Variants in ASIC2 observed in about 807,000 individuals in gnomAD.
ASIC2 encodes the protein acid-sensing ion channel 2.
In ASIC2, 25 loss-of-function variants were observed where a neutral mutation model predicts 57.3. That is an observed-to-expected ratio of 0.44 (90% confidence interval 0.32 to 0.61). The LOEUF (loss-of-function observed/expected upper bound fraction) is 0.61. Among genes scored for constraint, ASIC2 ranks in the 20% least tolerant of loss-of-function variants. The pLI is 0.06. For synonymous variants in ASIC2, 319 were observed against 307.5 expected (o/e 1.04, Z -0.39); for missense variants, 641 against 738.1 (o/e 0.87, Z 1.52).
chr17:33,478,195 A>T (rs191195337), intron 1 of ASIC2, among the ~76,000 whole-genome samples: 1 of 152,316 alleles, frequency 6.6e-6, no homozygotes, highest in East Asian at 1.9e-4. Context: ...GAGGTGGATG[A>T]CAGAGCTTCC....
chr17:33,354,402 A>G (rs1422275477), intron 1 of ASIC2, among the ~76,000 whole-genome samples: 1 of 152,024 alleles, frequency 6.6e-6, no homozygotes. Context: ...TCTCACCTCC[A>G]CTGCAGCCAG....
intron 1 of ASIC2, chr17:34,036,680 G>GGTTT (rs1567796362): frequency 9.9e-6 from 1 of 100,528 alleles, no homozygotes; most frequent in Admixed American, 1.2e-4. Context: ...CTTTGAATTT[G>GGTTT]TTTTTTTTTT....
chr17:34,018,079 C>A (rs538195507), intron 1 of ASIC2, among the ~76,000 whole-genome samples: 8 of 152,198 alleles, frequency 5.3e-5, no homozygotes, highest in Non-Finnish European at 1.2e-4. Context: ...AGGTCAATAT[C>A]TGGCTTCAAA....
rs150404392 is a variant in ASIC2, at chr17:33,401,726, A to G, written c.556-289659T>C. On this transcript the variant is annotated intron_variant, in intron 1 of 9. Coordinates refer to the ASIC2 transcript ENST00000359872. ...ATAAAATCTTTGTTCGCTTCCCAGG[A>G]GACAATCCTGTTTCAACTTGACAGC... 2.2e-3 allele frequency among the ~76,000 whole-genome samples: 328 copies of G among 152,332 alleles called. 2 individuals are homozygous for G. Among genetic ancestry groups the G allele is most frequent in the African/African-American group, 7.5e-3 (311 of 41,578 alleles).
chr17:34,050,791 A>G (rs1343224370), intron 1 of ASIC2, among the ~76,000 whole-genome samples: 2 of 152,202 alleles, frequency 1.3e-5, no homozygotes, highest in Non-Finnish European at 2.9e-5. Flanking sequence ...GAGAAATTCA[A>G]AATGTTGTGA....
intron 1 of ASIC2, among the ~76,000 whole-genome samples, chr17:33,419,040 G>A (rs1296231634): frequency 2.6e-5 from 4 of 152,126 alleles, no homozygotes; most frequent in Admixed American, 6.6e-5. Flanking sequence ...ACCATGGCAC[G>A]TATATACCTA....
intron 1 of ASIC2, among the ~76,000 whole-genome samples, chr17:33,115,830 G>A (rs2092278801): frequency 6.6e-6 from 1 of 152,194 alleles, no homozygotes; most frequent in South Asian, 2.1e-4. Flanking sequence ...AACTGTGTCT[G>A]TTTTATTGAA....
intron 1 of ASIC2, among the ~76,000 whole-genome samples, chr17:33,918,868 A>G (rs1055299660): frequency 6.6e-6 from 1 of 152,234 alleles, no homozygotes; most frequent in African/African-American, 2.4e-5. Flanking sequence ...CATGCGGAAG[A>G]AACTTTGGTC....
chr17:33,064,426 T>C (rs1421859245), intron 3 of ASIC2, among the ~76,000 whole-genome samples: 1 of 152,216 alleles, frequency 6.6e-6, no homozygotes, highest in East Asian at 1.9e-4. Context: ...GGAGGTCCAC[T>C]CCAGACCCTG....
At chr17:33,383,399 C>A (rs1909560096) in intron 1 of ASIC2, among the ~76,000 whole-genome samples, 1 of 152,160 alleles carries the variant, frequency 6.6e-6, no homozygotes, top group Non-Finnish European at 1.5e-5. Context: ...TTGAAAGTAG[C>A]ATGTTCGGCT....
At chr17:33,432,418 A>AGTGGGAGGATCCCTTTG (rs1911452297) in intron 1 of ASIC2, among the ~76,000 whole-genome samples, 1 of 152,156 alleles carries the variant, frequency 6.6e-6, no homozygotes, top group Non-Finnish European at 1.5e-5. Flanking sequence ...CGGGAGACTC[A>AGTGGGAGGATCCCTTTG]GTGGGAGGAT....
At chr17:33,293,366 CT>C (rs947217317), upstream of ASIC2, among the ~76,000 whole-genome samples, 1 of 152,202 alleles carries the variant, frequency 6.6e-6, no homozygotes, top group Non-Finnish European at 1.5e-5. Context: ...CGCCCGGCTC[CT>C]CCTCGCTGCA....
At chr17:33,877,085 T>C (rs773034988) in intron 1 of ASIC2, among the ~76,000 whole-genome samples, 4 of 152,174 alleles carry the variant, frequency 2.6e-5, no homozygotes, top group Non-Finnish European at 5.9e-5. Context: ...ATTATTTTCT[T>C]TTTTTCTCCA....
Position 33,018,090 on chromosome 17 carries a change from C to T in ASIC2, c.1442-406G>A, listed in dbSNP as rs548378421. ...GGTGGGAGTCTCGGGAGGAGATGCT[C>T]CCCTAACCCAATCACGGCATGGGCT... On this transcript the variant is annotated intron_variant, in intron 7 of 9. Transcript: ENST00000225823. Among the ~76,000 whole-genome samples the T allele has an allele frequency of 3.9e-5, 6 of 152,170 alleles. No homozygotes were observed. The South Asian group carries it at 8.3e-4, about 21-fold the overall frequency.
intron 1 of ASIC2, among the ~76,000 whole-genome samples, chr17:33,336,291 G>A (rs1328407664): frequency 6.6e-6 from 1 of 152,110 alleles, no homozygotes; most frequent in Non-Finnish European, 1.5e-5. Flanking sequence ...AGCCACATTG[G>A]AACCTGAAGC....
chr17:33,684,915 T>C (rs1010309709), intron 1 of ASIC2, among the ~76,000 whole-genome samples: 2 of 152,178 alleles, frequency 1.3e-5, no homozygotes, highest in African/African-American at 4.8e-5. Context: ...CAGGATCCTA[T>C]TGTGAAACCA....
At chr17:34,030,039 C>T (rs1038499765) in intron 1 of ASIC2, among the ~76,000 whole-genome samples, 13 of 152,224 alleles carry the variant, frequency 8.5e-5, no homozygotes, top group Non-Finnish European at 1.6e-4. Flanking sequence ...GAATCCCACA[C>T]AATTGGCTCT....
chr17:33,775,338 G>A (rs1043621791), intron 1 of ASIC2, among the ~76,000 whole-genome samples: 1 of 152,186 alleles, frequency 6.6e-6, no homozygotes, highest in Non-Finnish European at 1.5e-5. Context: ...AGGCACAGAG[G>A]ATGCAGCAGT....
intron 1 of ASIC2, among the ~76,000 whole-genome samples, chr17:33,258,196 T>C (rs538177209): frequency 1.2e-4 from 18 of 152,356 alleles, no homozygotes; most frequent in African/African-American, 4.3e-4. Flanking sequence ...GTTCACAGCA[T>C]CATTAATTCA....
Sources: gnomAD v4.1 joint callset for allele counts (sites outside exome capture counted in the v4.1 genomes callset) on GRCh38, gnomAD v4.1.1 for gene constraint, MANE v1.5 for transcripts, NCBI Gene and HGNC (gene_info 2026-07-23, HGNC 2026-07-21) for gene names.